The following DGKB variants were observed in gnomAD, a reference collection of about 807,000 sequenced individuals.
The protein encoded by DGKB is diacylglycerol kinase beta, also known as 90 kDa diacylglycerol kinase.
A neutral mutation model predicts 114.3 loss-of-function variants in DGKB; 67 were observed. That is an observed-to-expected ratio of 0.59 (90% CI 0.48 to 0.72). The LOEUF is 0.72. Among genes scored for constraint, DGKB ranks in the 30% least tolerant of loss-of-function variants. The pLI is 0.00. For synonymous variants in DGKB, 398 were observed against 323.1 expected (o/e 1.23, Z -2.49); for missense variants, 907 against 975.2 (o/e 0.93, Z 0.93).
At chr7:14,422,267 G>A (rs1256372401) in intron 21 of DGKB, among the ~76,000 whole-genome samples, 4 of 152,008 alleles carry the variant, frequency 2.6e-5, no homozygotes, top group Non-Finnish European at 5.9e-5. Flanking sequence ...AAAAGCCAAG[G>A]AAGGGGTAAT....
intron 23 of DGKB, among the ~76,000 whole-genome samples, chr7:14,264,481 C>T (rs1797212490): frequency 6.6e-6 from 1 of 151,980 alleles, no homozygotes; most frequent in Non-Finnish European, 1.5e-5. Context: ...AAGTCCTGAC[C>T]ATAATTAAAT....
Position 14,248,779 on chromosome 7 carries a change from G to A in DGKB, c.2123-70628C>T, listed in dbSNP as rs138013186. On this transcript the variant is annotated intron_variant, in intron 23 of 25. Coordinates refer to ENST00000402815, the MANE Select transcript of DGKB (RefSeq NM_001350709.2). ...AGTTTTCTGTATATAAGATTATGTC[G>A]TCTGCAAAGATACCATTTTACTTCT... 2.7e-4 allele frequency among the ~76,000 whole-genome samples: 41 copies of A among 152,000 alleles called. No individual in the cohort carries two copies. In the East Asian group the frequency reaches 6.8e-3, roughly 25 times the overall value.
chr7:14,329,555 T>C (rs1259543558), intron 23 of DGKB, among the ~76,000 whole-genome samples: 1 of 152,002 alleles, frequency 6.6e-6, no homozygotes, highest in Non-Finnish European at 1.5e-5. Context: ...TCATACTTTC[T>C]GTAGCTGATT....
chr7:14,429,757 C>A (rs930066624), intron 21 of DGKB, among the ~76,000 whole-genome samples: 3 of 152,060 alleles, frequency 2.0e-5, no homozygotes, highest in Non-Finnish European at 2.9e-5. Flanking sequence ...CCTGTCTCTA[C>A]TAAAAATACA....
chr7:14,660,533 G>T (rs1224684388), intron 13 of DGKB, among the ~76,000 whole-genome samples: 3 of 151,962 alleles, frequency 2.0e-5, no homozygotes, highest in Non-Finnish European at 4.4e-5. Flanking sequence ...TTCTCTGATG[G>T]TAGTTTGTAT....
In DGKB at chr7:14,818,436, G is replaced by GGCTGTGTGGCCC. The variant is rs542446514; in HGVS notation, c.70+22746_70+22757dup. ...ATAAAGGGTGAGTGATAAATAGCCAGGCTGTGTGGCCCACTGTGTTCCCCA... is the reference window on the plus strand; with the variant it reads ...ATAAAGGGTGAGTGATAAATAGCCAGGCTGTGTGGCCCGCTGTGTGGCCCACTGTGTTCCCCA... On this transcript the variant is annotated intron_variant, in intron 2 of 25. Transcript: ENST00000402815. 3.0e-3 allele frequency among the ~76,000 whole-genome samples: 463 copies of GGCTGTGTGGCCC among 152,228 alleles called. 3 individuals are homozygous for GGCTGTGTGGCCC. Among genetic ancestry groups the GGCTGTGTGGCCC allele is most frequent in the Non-Finnish European group, 4.8e-3 (326 of 68,018 alleles).
chr7:14,950,978 T>C (rs1009935791), intron 1 of DGKB, among the ~76,000 whole-genome samples: 7 of 151,746 alleles, frequency 4.6e-5, no homozygotes, highest in African/African-American at 1.7e-4. Flanking sequence ...ATTAATAGAA[T>C]AAAAAACAGA....
chr7:14,470,950 C>T (rs568328001), intron 21 of DGKB, among the ~76,000 whole-genome samples: 1 of 151,160 alleles, frequency 6.6e-6, no homozygotes, highest in South Asian at 2.1e-4. Flanking sequence ...AAATATTTGG[C>T]TTTGATATAG....
At chr7:14,565,123 C>G (rs1380882060) in intron 20 of DGKB, among the ~76,000 whole-genome samples, 1 of 152,154 alleles carries the variant, frequency 6.6e-6, no homozygotes, top group Non-Finnish European at 1.5e-5. Flanking sequence ...CATTAGCAAG[C>G]TGGATGCAAA....
intron 23 of DGKB, among the ~76,000 whole-genome samples, chr7:14,180,111 A>C (rs1782409148): frequency 6.6e-6 from 1 of 152,142 alleles, no homozygotes; most frequent in East Asian, 1.9e-4. Flanking sequence ...TATTTATAAA[A>C]CAACAACTAC....
chr7:14,826,384 T>C (rs575071504), intron 2 of DGKB, among the ~76,000 whole-genome samples: 1 of 152,258 alleles, frequency 6.6e-6, no homozygotes, highest in Non-Finnish European at 1.5e-5. Flanking sequence ...GGAATTACCA[T>C]ACTTTATATT....
At chr7:14,646,622 T>A (rs889927413) in intron 13 of DGKB, among the ~76,000 whole-genome samples, 1 of 152,012 alleles carries the variant, frequency 6.6e-6, no homozygotes, top group African/African-American at 2.4e-5. Context: ...TTTTAAAACA[T>A]CAAAATTCTC....
chr7:14,454,419 A>G (rs1043666380), intron 21 of DGKB, among the ~76,000 whole-genome samples: 3 of 152,106 alleles, frequency 2.0e-5, no homozygotes, highest in Admixed American at 6.6e-5. Context: ...TTAGTAGCCT[A>G]TGTTTTTACA....
chr7:14,453,243 AT>A (rs1411314938), intron 21 of DGKB, among the ~76,000 whole-genome samples: 1 of 152,076 alleles, frequency 6.6e-6, no homozygotes, highest in Non-Finnish European at 1.5e-5. Flanking sequence ...AGGAGCCTGG[AT>A]TTGGACATGG....
chr7:14,216,721 G>A (rs13235756), intron 23 of DGKB, among the ~76,000 whole-genome samples: 82,933 of 127,864 alleles, frequency 0.65, 26,930 homozygotes, highest in African/African-American at 0.81. Flanking sequence ...GCAAGACTCC[G>A]TCTCAAAAAA....
chr7:14,248,027 T>A (rs1280649267), intron 23 of DGKB, among the ~76,000 whole-genome samples: 2 of 152,126 alleles, frequency 1.3e-5, no homozygotes, highest in East Asian at 3.9e-4. Context: ...ATTTTTTTTA[T>A]ATGTTGTGAA....
chr7:14,476,896 A>G (rs1782260367), intron 21 of DGKB, among the ~76,000 whole-genome samples: 1 of 151,718 alleles, frequency 6.6e-6, no homozygotes, highest in Non-Finnish European at 1.5e-5. Context: ...CTTGGGTTAC[A>G]GGCACCCACC....
chr7:14,475,102 A>C (rs1251807100), intron 21 of DGKB, among the ~76,000 whole-genome samples: 1 of 152,316 alleles, frequency 6.6e-6, no homozygotes, highest in Non-Finnish European at 1.5e-5. Flanking sequence ...TCCTTAAGAT[A>C]ATGTTAGAAA....
At chr7:14,681,373 T>G (rs1820799141) in intron 12 of DGKB, among the ~76,000 whole-genome samples, 1 of 152,022 alleles carries the variant, frequency 6.6e-6, no homozygotes, top group Non-Finnish European at 1.5e-5. Context: ...CTTAATTGTA[T>G]TTTTGAAAAG....
Sources: allele counts gnomAD v4.1 joint callset (sites outside exome capture counted in the v4.1 genomes callset), GRCh38; gene constraint gnomAD v4.1.1; transcripts MANE v1.5; gene names NCBI Gene and HGNC (gene_info 2026-07-23, HGNC 2026-07-21).